The following HIBADH variants were observed in gnomAD, a reference collection of about 807,000 sequenced individuals.
HIBADH encodes 3-hydroxyisobutyrate dehydrogenase, also known as 3-hydroxyisobutyrate dehydrogenase, mitochondrial.
In HIBADH, 25 loss-of-function variants were observed where a neutral mutation model predicts 36.1. The observed-to-expected ratio is 0.69, with a 90% confidence interval of 0.50 to 0.97. The LOEUF is 0.97. HIBADH is among the 50% of genes least tolerant of loss of function. The probability of loss-of-function intolerance (pLI) is 0.00; values close to 1 mark genes in which losing one functional copy is unlikely to be tolerated. For missense variants in HIBADH, 421 were observed against 418.0 expected, an observed-to-expected ratio of 1.01 and a Z score of -0.06; for synonymous variants, 160 against 149.5, an observed-to-expected ratio of 1.07 and a Z score of -0.51.
At chr7:27,550,955 C>T (rs778315724) in intron 4 of HIBADH, among the ~76,000 whole-genome samples, 1 of 152,210 alleles carries the variant, frequency 6.6e-6, no homozygotes, top group Non-Finnish European at 1.5e-5. Flanking sequence ...TTGAAAATTA[C>T]TGAGAGTAGA....
At chr7:27,644,825 TC>T (rs1786033319) in intron 2 of HIBADH, among the ~76,000 whole-genome samples, 1 of 152,024 alleles carries the variant, frequency 6.6e-6, no homozygotes, top group Non-Finnish European at 1.5e-5. Flanking sequence ...TGCCCAACTT[TC>T]CCTCTTCCCC....
chr7:27,619,045 T>C lies in HIBADH; in HGVS notation c.484+10326A>G, dbSNP rs79205714. ...GAGACAAATATCCAAACTGTATCAA[T>C]TGCCCTGGGGAACAAAGCATGCACA... On this transcript the variant is annotated intron_variant, in intron 4 of 7. Coordinates refer to ENST00000265395, the MANE Select transcript of HIBADH (RefSeq NM_152740.4). Among the ~76,000 whole-genome samples, 11 of 152,246 alleles carry C rather than the reference T, an allele frequency of 7.2e-5. 1 individual carries two copies. The East Asian group carries it at 2.1e-3, about 29-fold the overall frequency.
At chr7:27,599,962 G>C (rs989947596) in intron 4 of HIBADH, among the ~76,000 whole-genome samples, 15 of 151,966 alleles carry the variant, frequency 9.9e-5, no homozygotes, top group African/African-American at 3.6e-4. Flanking sequence ...AAAAATCAAA[G>C]TTTAAGTTAC....
At position 27,662,770 on chromosome 7, in the gene HIBADH, G is replaced by C. The variant is rs1158546629; in HGVS notation, c.19C>G (p.Leu7Val). ...CGGAGACCGGAGGCAGCTCCGAGGA[G>C]CCGTAAGGAGGCTGCCATGCTGCGC... MAASLR[L>V]LGAASGLRYW... Residue 7 changes from leucine to valine, a missense_variant, in exon 1 of 8, where the codon CTC becomes GTC. Transcript: ENST00000265395. 1 of 1,460,320 alleles carries C rather than the reference G, an allele frequency of 6.8e-7. No individual in the cohort carries two copies. The highest frequency in any genetic ancestry group is 9.0e-7 in the Non-Finnish European group (1 of 1,105,586). The allele number at this position is 1,460,320 out of a possible 1,614,324, so 90.5% of individuals were successfully genotyped here.
intron 4 of HIBADH, among the ~76,000 whole-genome samples, chr7:27,624,029 C>A (rs1043262331): frequency 2.0e-5 from 3 of 152,212 alleles, no homozygotes; most frequent in Non-Finnish European, 4.4e-5. Context: ...AATGCCTGAG[C>A]TCAGGTGATC....
intron 4 of HIBADH, among the ~76,000 whole-genome samples, chr7:27,545,526 A>C (rs903894768): frequency 2.0e-5 from 3 of 152,208 alleles, no homozygotes; most frequent in African/African-American, 7.2e-5. Flanking sequence ...TGCGACTCTA[A>C]AACTGTGTAA....
intron 1 of HIBADH, among the ~76,000 whole-genome samples, chr7:27,652,636 CA>C (rs1408510457): frequency 6.6e-6 from 1 of 152,238 alleles, no homozygotes; most frequent in Non-Finnish European, 1.5e-5. Flanking sequence ...AAGGTGACAG[CA>C]GATCCAGTGT....
Position 27,649,461 on chromosome 7 carries a change from A to G in HIBADH, c.252+12T>C. On this transcript the variant is annotated intron_variant, in intron 2 of 7. Coordinates refer to ENST00000265395, the MANE Select transcript of HIBADH (RefSeq NM_152740.4). ...CTCAAAATCTAAAACAAATCTAAAG[A>G]AAAGGTCTTACCTGTTCACCTGCAT... The G allele has an allele frequency of 6.4e-7, 1 of 1,566,556 alleles. No individual in the cohort carries two copies. Among genetic ancestry groups the G allele is most frequent in the South Asian group, 1.2e-5 (1 of 82,880 alleles).
intron 2 of HIBADH, among the ~76,000 whole-genome samples, chr7:27,633,718 CA>C: frequency 6.6e-6 from 1 of 152,052 alleles, no homozygotes; most frequent in East Asian, 1.9e-4. Flanking sequence ...ACATCTTCTG[CA>C]AAGCCTTTTT....
chr7:27,527,766 T>TTTTTTA (rs1188310880), intron 7 of HIBADH, among the ~76,000 whole-genome samples: 1 of 150,776 alleles, frequency 6.6e-6, no homozygotes, highest in Non-Finnish European at 1.5e-5. Flanking sequence ...TTTTTTTTTT[T>TTTTTTA]TGAGACGGAG....
chr7:27,578,684 G>A (rs538862911), intron 4 of HIBADH, among the ~76,000 whole-genome samples: 2 of 152,252 alleles, frequency 1.3e-5, no homozygotes, highest in Non-Finnish European at 2.9e-5. Context: ...ATTGGACACT[G>A]ATTTTTACTA....
intron 2 of HIBADH, 27 bp from the exon 3 acceptor site, chr7:27,632,472 T>C (rs527966025): frequency 6.8e-7 from 1 of 1,479,504 alleles, no homozygotes; most frequent in South Asian, 1.1e-5. Context: ...AAAGGCACAT[T>C]ATTTAAATTA....
chr7:27,661,617 G>A (rs1337077174), intron 1 of HIBADH, among the ~76,000 whole-genome samples: 1 of 150,920 alleles, frequency 6.6e-6, no homozygotes. Context: ...AAAGGGCGGG[G>A]GGCCAAGGGG....
At chr7:27,593,876 G>C (rs1784982963) in intron 4 of HIBADH, among the ~76,000 whole-genome samples, 2 of 151,622 alleles carry the variant, frequency 1.3e-5, no homozygotes, top group South Asian at 4.2e-4. Context: ...AACATCGATG[G>C]AAATTTTTTT....
intron 4 of HIBADH, among the ~76,000 whole-genome samples, chr7:27,546,156 G>A (rs924590968): frequency 6.6e-6 from 1 of 152,164 alleles, no homozygotes; most frequent in Non-Finnish European, 1.5e-5. Flanking sequence ...CACCCTGGCT[G>A]GAGTGTGATG....
chr7:27,570,199 T>C (rs1285240092), intron 4 of HIBADH, among the ~76,000 whole-genome samples: 1 of 152,124 alleles, frequency 6.6e-6, no homozygotes, highest in Non-Finnish European at 1.5e-5. Flanking sequence ...AGACAGCTTC[T>C]CCAGGCACTC....
intron 4 of HIBADH, among the ~76,000 whole-genome samples, chr7:27,569,317 G>C (rs1309904820): frequency 1.3e-5 from 2 of 152,106 alleles, no homozygotes; most frequent in African/African-American, 4.8e-5. Flanking sequence ...TTGGTATCTT[G>C]TCTCTTCCCT....
intron 4 of HIBADH, among the ~76,000 whole-genome samples, chr7:27,573,910 C>T (rs886887234): frequency 6.6e-6 from 1 of 152,224 alleles, no homozygotes; most frequent in African/African-American, 2.4e-5. Context: ...AAATTATCCT[C>T]ACCTGTGTTT....
chr7:27,593,822 G>C (rs901236765), intron 4 of HIBADH, among the ~76,000 whole-genome samples: 1 of 151,876 alleles, frequency 6.6e-6, no homozygotes, highest in Non-Finnish European at 1.5e-5. Flanking sequence ...AAAGGAAGTA[G>C]AGTTCAAATT....
Sources: gnomAD v4.1 joint callset for allele counts (sites outside exome capture counted in the v4.1 genomes callset) on GRCh38, gnomAD v4.1.1 for gene constraint, MANE v1.5 for transcripts, NCBI Gene and HGNC (gene_info 2026-07-23, HGNC 2026-07-21) for gene names.